FAM76B: variants seen among roughly 807,000 people sequenced by gnomAD.
The protein encoded by FAM76B is family with sequence similarity 76 member B.
FAM76B carries 16 observed loss-of-function variants against 51.8 expected under a neutral mutation model. The ratio of observed to expected loss-of-function variants is 0.31; its 90% CI spans 0.21 to 0.47. FAM76B has a LOEUF of 0.47. Among genes scored for constraint, FAM76B ranks in the 20% least tolerant of loss-of-function variants. The pLI is 1.00. For missense variants in FAM76B, 342 were observed against 392.6 expected (o/e 0.87, Z 1.09); for synonymous variants, 166 against 129.5 (o/e 1.28, Z -1.91).
chr11:95,773,551 T>G (rs1859864592), intron 9 of FAM76B, among the ~76,000 whole-genome samples: 1 of 150,546 alleles, frequency 6.6e-6, no homozygotes, highest in Admixed American at 6.6e-5. Context: ...GGAAAGAATA[T>G]CAGGATTAAG....
At chr11:95,788,858 C>A in intron 1 of FAM76B, 1 of 1,389,968 alleles carries the variant, frequency 7.2e-7, no homozygotes, top group Non-Finnish European at 9.5e-7. Context: ...TTATTTTGCA[C>A]CGTTGCTCAC....
At position 95,784,593 on chromosome 11, in the gene FAM76B, A is replaced by AT. The variant is rs1207939051; in HGVS notation, c.364-1330dup. On this transcript the variant is annotated intron_variant, in intron 4 of 9. Transcript: ENST00000358780. ...ATATACACACACACACACACACACA[A>AT]TTTTTTTTTTTTTTTTGAGACGGAG... is the stretch of plus-strand genomic sequence containing the variant. Among the ~76,000 whole-genome samples the AT allele has an allele frequency of 6.2e-3, 823 of 133,764 alleles. 4 individuals carry two copies. The highest frequency in any genetic ancestry group is 0.015 in the African/African-American group (519 of 34,754). 87.8% of individuals were successfully genotyped at this position (133,764 alleles called of 152,430 possible).
chr11:95,786,553 A>T, intron 3 of FAM76B: 2 of 255,354 alleles, frequency 7.8e-6, no homozygotes, highest in Non-Finnish European at 7.3e-6. Context: ...CTACACATAA[A>T]AAAGGTTTTA....
Position 95,778,835 on chromosome 11 carries a change from T to C in FAM76B, c.815A>G (p.Glu272Gly). ...CCATGTTCTTACCTTTTTATCTTTT[T>C]CTAAAATGGTCTGGTCTCTCTGCTG... ...LLQQRDQTIL[E>G]KDKKLTELKA... The change falls in exon 8 of 10, where the codon GAA (glutamate) becomes GGA (glycine). Residue 272 changes from glutamate (E) to glycine (G), a missense_variant. Physicochemically the swap from Glu to Gly is moderately conservative, Grantham distance 98. Coordinates refer to ENST00000358780, the MANE Select transcript of FAM76B (RefSeq NM_144664.5). 6.2e-7 allele frequency: 1 copy of C among 1,601,570 alleles called. No homozygotes were observed. Among genetic ancestry groups the C allele is most frequent in the Non-Finnish European group, 8.5e-7 (1 of 1,175,394 alleles).
Position 95,770,318 on chromosome 11 carries a change from T to A in FAM76B, c.*1243A>T, listed in dbSNP as rs1388606825. The A allele has an allele frequency of 2.0e-5, 3 of 151,862 alleles. No homozygotes were observed. The highest frequency in any genetic ancestry group is 3.0e-5 in the Non-Finnish European group (2 of 67,522). The allele number at this position is 151,862 out of a possible 1,614,324, so 9.4% of individuals were successfully genotyped here. On this transcript the variant is annotated 3_prime_UTR_variant, in exon 10 of 10. Transcript: ENST00000358780. ...GGACAATTTACTTATAATGCCTGAA[T>A]CTTATAGTAGATTCCAATTTATTCA...
At chr11:95,786,842 A>G (rs1233683685) in intron 3 of FAM76B, 1 of 152,360 alleles carries the variant, frequency 6.6e-6, no homozygotes, top group African/African-American at 2.4e-5. Context: ...AGAGCGTTAA[A>G]GTTAGCATTT....
intron 2 of FAM76B, 119 bp downstream of exon 2, chr11:95,788,380 T>C: frequency 1.2e-6 from 1 of 827,580 alleles, no homozygotes; most frequent in Non-Finnish European, 1.9e-6. Context: ...CAACTTAAAA[T>C]TTCTGGGGCT....
At chr11:95,779,502 G>T in intron 7 of FAM76B, 105 bp downstream of exon 7, 1 of 1,014,806 alleles carries the variant, frequency 9.9e-7, no homozygotes, top group Non-Finnish European at 1.4e-6. Context: ...TCAAGTCAAT[G>T]TAGAAAATAC....
rs1369714180 is a variant in FAM76B, at chr11:95,779,859, A to T, written c.611+20T>A. The T allele has an allele frequency of 1.3e-6, 2 of 1,595,728 alleles. No homozygotes were observed. The highest frequency in any genetic ancestry group is 1.7e-6 in the Non-Finnish European group (2 of 1,173,544). On this transcript the variant is annotated intron_variant, in intron 6 of 9. Transcript: ENST00000358780. Reference sequence around the variant, plus strand: ...AATATACATTTCAAAATACTTCAGAAAATACAGCAATGTATTTACCTCTGT... The same window carrying T: ...AATATACATTTCAAAATACTTCAGATAATACAGCAATGTATTTACCTCTGT...
At chr11:95,787,761 AT>A in intron 2 of FAM76B, 83 bp from the exon 3 acceptor site, 1 of 1,195,676 alleles carries the variant, frequency 8.4e-7, no homozygotes, top group South Asian at 1.4e-5. Context: ...TGAGTCAAAG[AT>A]TTGTTGTACT....
intron 9 of FAM76B, among the ~76,000 whole-genome samples, chr11:95,774,677 A>G (rs944566583): frequency 6.7e-6 from 1 of 150,054 alleles, no homozygotes; most frequent in Admixed American, 6.7e-5. Context: ...TAAAAATAAT[A>G]CTTGCTGGTG....
intron 4 of FAM76B, among the ~76,000 whole-genome samples, chr11:95,785,660 T>C (rs1860531289): frequency 6.6e-6 from 1 of 152,174 alleles, no homozygotes; most frequent in African/African-American, 2.4e-5. Flanking sequence ...AAAGGAATTA[T>C]CACATGAACA....
chr11:95,785,550 T>G (rs558033737), intron 4 of FAM76B, among the ~76,000 whole-genome samples: 3 of 152,318 alleles, frequency 2.0e-5, no homozygotes, highest in African/African-American at 7.2e-5. Flanking sequence ...ATATGTACAT[T>G]GCTGTGGGGA....
At chr11:95,787,774 A>T (rs1241239435) in intron 2 of FAM76B, 96 bp from the exon 3 acceptor site, 1 of 1,077,978 alleles carries the variant, frequency 9.3e-7, no homozygotes, top group African/African-American at 1.6e-5. Flanking sequence ...TGTTGTACTT[A>T]AAACTTTAAT....
At chr11:95,773,049 T>C (rs1859839527) in intron 9 of FAM76B, among the ~76,000 whole-genome samples, 1 of 151,130 alleles carries the variant, frequency 6.6e-6, no homozygotes, top group Non-Finnish European at 1.5e-5. Context: ...AGATCTCCAC[T>C]AGATCTGTTA....
At chr11:95,776,055 A>ATTTTTTC in intron 8 of FAM76B, 32 bp from the exon 9 acceptor site, 1 of 1,244,132 alleles carries the variant, frequency 8.0e-7, no homozygotes, top group Non-Finnish European at 1.1e-6. Flanking sequence ...ATATGTATAT[A>ATTTTTTC]TTTGCACACA....
chr11:95,777,826 A>G (rs948974071), intron 8 of FAM76B, among the ~76,000 whole-genome samples: 1 of 151,454 alleles, frequency 6.6e-6, no homozygotes, highest in Non-Finnish European at 1.5e-5. Context: ...ATGTATTCAT[A>G]TTAAGGCCTT....
intron 3 of FAM76B, 66 bp downstream of exon 3, chr11:95,787,558 A>C: frequency 6.6e-7 from 1 of 1,504,006 alleles, no homozygotes; most frequent in South Asian, 1.2e-5. Flanking sequence ...ATATTTTTTT[A>C]AAAGGTCCAG....
intron 5 of FAM76B, 78 bp from the exon 6 acceptor site, chr11:95,780,004 G>A: frequency 3.1e-6 from 4 of 1,310,006 alleles, no homozygotes; most frequent in Non-Finnish European, 4.2e-6. Context: ...TTTCTCAATG[G>A]ATACAAATTT....
Sources: gnomAD v4.1 joint callset for allele counts (sites outside exome capture counted in the v4.1 genomes callset) on GRCh38, gnomAD v4.1.1 for gene constraint, MANE v1.5 for transcripts, NCBI Gene and HGNC (gene_info 2026-07-23, HGNC 2026-07-21) for gene names.